PDE1C: variants seen among roughly 807,000 people sequenced by gnomAD.
The protein encoded by PDE1C is dual specificity calcium/calmodulin-dependent 3',5'-cyclic nucleotide phosphodiesterase 1C.
Under a neutral mutation model 93.1 loss-of-function variants are expected in PDE1C, and 62 were observed. The ratio of observed to expected loss-of-function variants is 0.67; its 90% CI spans 0.54 to 0.82. The LOEUF (loss-of-function observed/expected upper bound fraction) is 0.82, where lower values mean the gene tolerates loss of function less well. Ranked by LOEUF, PDE1C falls within the 40% of genes least tolerant of loss-of-function variation. The pLI is 0.00. For synonymous variants in PDE1C, 325 were observed against 310.1 expected (o/e 1.05, Z -0.50); for missense variants, 742 against 884.6 (o/e 0.84, Z 2.04).
At chr7:31,626,884 ATGTT>A in the PDE1C span, among the ~76,000 whole-genome samples, 3 of 152,208 alleles carry the variant, frequency 2.0e-5, no homozygotes, top group Admixed American at 1.3e-4. Context: ...CAACAGAAAA[ATGTT>A]TGTTTGTGGG....
chr7:32,306,331 C>A (rs1414013136), intron 1 of PDE1C, among the ~76,000 whole-genome samples: 1 of 152,176 alleles, frequency 6.6e-6, no homozygotes, highest in African/African-American at 2.4e-5. Flanking sequence ...CCAATAGTGC[C>A]ATCTCTGGAA....
At chr7:31,786,876 G>T (rs1783998552) in intron 16 of PDE1C, 1 of 151,866 alleles carries the variant, frequency 6.6e-6, no homozygotes, top group South Asian at 2.1e-4. Flanking sequence ...GGTTAAGAAA[G>T]AAGAAAATAT....
upstream of PDE1C, among the ~76,000 whole-genome samples, chr7:32,075,096 G>T (rs1171644829): frequency 6.6e-6 from 1 of 152,180 alleles, no homozygotes; most frequent in African/African-American, 2.4e-5. Flanking sequence ...AACAACTATG[G>T]TGCAAATGAT....
chr7:31,695,670 C>A, the PDE1C span: 1 of 1,555,282 alleles, frequency 6.4e-7, no homozygotes, highest in Non-Finnish European at 8.7e-7. Context: ...CCACTTGCCA[C>A]TAGGTTGCAT....
At chr7:32,414,306 GTATAAC>G (rs1785229728) in intron 1 of PDE1C, among the ~76,000 whole-genome samples, 2 of 151,504 alleles carry the variant, frequency 1.3e-5, no homozygotes, top group African/African-American at 2.4e-5. Flanking sequence ...AAAAAAAGAT[GTATAAC>G]TATATTTATA....
intron 1 of PDE1C, among the ~76,000 whole-genome samples, chr7:32,401,356 G>T (rs1019780834): frequency 6.6e-6 from 1 of 152,124 alleles, no homozygotes; most frequent in African/African-American, 2.4e-5. Flanking sequence ...GGCTAACACA[G>T]TGAAACCCCG....
the PDE1C span, among the ~76,000 whole-genome samples, chr7:31,664,402 G>T: frequency 6.6e-6 from 1 of 151,816 alleles, no homozygotes; most frequent in Non-Finnish European, 1.5e-5. Context: ...ATGATGGAGG[G>T]GGACACACTG....
At chr7:31,864,113 T>C (rs1055709337) in intron 7 of PDE1C, among the ~76,000 whole-genome samples, 1 of 152,176 alleles carries the variant, frequency 6.6e-6, no homozygotes, top group Non-Finnish European at 1.5e-5. Flanking sequence ...TTAATGGCTA[T>C]ATCTTTTTAA....
chr7:31,895,139 G>A (rs188686299), intron 2 of PDE1C, among the ~76,000 whole-genome samples: 84 of 152,304 alleles, frequency 5.5e-4, no homozygotes, highest in African/African-American at 1.7e-3. Flanking sequence ...GAAGGAGGAA[G>A]ATTTCAGAGG....
chr7:32,200,573 CCAA>C lies in PDE1C; in HGVS notation c.136+8913_136+8915del, dbSNP rs561799542. On this transcript the variant is annotated intron_variant, in intron 2 of 18. Transcript: ENST00000396193. ...ACAGATCACACCAAACTTGTGGCTT[CCAA>C]CAACAACAACTACCCATTTTGCTCA... is the stretch of plus-strand genomic sequence containing the variant. Among the ~76,000 whole-genome samples the C allele has an allele frequency of 2.9e-3, 441 of 152,302 alleles. 1 individual carries two copies. The highest frequency in any genetic ancestry group is 9.9e-3 in the African/African-American group (410 of 41,560).
At chr7:31,931,630 G>T (rs1277752374) in intron 2 of PDE1C, among the ~76,000 whole-genome samples, 3 of 152,156 alleles carry the variant, frequency 2.0e-5, no homozygotes, top group Admixed American at 6.5e-5. Context: ...TCATGGATAG[G>T]AAGAATCAAT....
chr7:32,416,594 C>T (rs945071504), intron 1 of PDE1C, among the ~76,000 whole-genome samples: 1 of 152,146 alleles, frequency 6.6e-6, no homozygotes, highest in East Asian at 1.9e-4. Context: ...TCATCCCCTG[C>T]CACCCACCCA....
chr7:32,312,955 G>GA (rs1783083565), intron 1 of PDE1C, among the ~76,000 whole-genome samples: 2 of 151,990 alleles, frequency 1.3e-5, no homozygotes, highest in Admixed American at 1.3e-4. Context: ...ACTTCTATCA[G>GA]GTGAACAGGC....
chr7:31,963,402 C>T (rs1417946331), intron 2 of PDE1C, among the ~76,000 whole-genome samples: 1 of 152,162 alleles, frequency 6.6e-6, no homozygotes, highest in African/African-American at 2.4e-5. Context: ...ATGAAGTCTT[C>T]CCACTCAGAA....
intron 2 of PDE1C, among the ~76,000 whole-genome samples, chr7:32,024,402 T>C (rs1187779560): frequency 1.3e-5 from 2 of 148,978 alleles, no homozygotes; most frequent in African/African-American, 5.0e-5. Context: ...TATACATATG[T>C]GTGTGTGTGT....
chr7:31,923,384 C>G (rs1802889359), intron 2 of PDE1C, among the ~76,000 whole-genome samples: 1 of 152,088 alleles, frequency 6.6e-6, no homozygotes, highest in South Asian at 2.1e-4. Flanking sequence ...GGGAGGAGGA[C>G]AGGACAAGTG....
At chr7:31,803,605 T>A (rs891991748) in intron 16 of PDE1C, among the ~76,000 whole-genome samples, 1 of 151,840 alleles carries the variant, frequency 6.6e-6, no homozygotes, top group East Asian at 1.9e-4. Flanking sequence ...TGTCCATGTG[T>A]TCTCATTGTT....
intron 3 of PDE1C, among the ~76,000 whole-genome samples, chr7:32,118,861 A>C (rs1799134138): frequency 6.6e-6 from 1 of 152,184 alleles, no homozygotes; most frequent in South Asian, 2.1e-4. Flanking sequence ...GCATACCTCT[A>C]AGTTGTAAAG....
chr7:31,889,393 A>G (rs1798354261), intron 2 of PDE1C, among the ~76,000 whole-genome samples: 1 of 152,214 alleles, frequency 6.6e-6, no homozygotes, highest in Admixed American at 6.5e-5. Context: ...TGCTACAAGA[A>G]AAAAGAAAAC....
Sources: allele counts gnomAD v4.1 joint callset (sites outside exome capture counted in the v4.1 genomes callset), GRCh38; gene constraint gnomAD v4.1.1; transcripts MANE v1.5; gene names NCBI Gene and HGNC (gene_info 2026-07-23, HGNC 2026-07-21).